Variants in BCAS1 observed in about 807,000 individuals in gnomAD.
BCAS1 encodes the protein breast carcinoma-amplified sequence 1.
BCAS1 carries 46 observed loss-of-function variants against 65.4 expected under a neutral mutation model. That is an observed-to-expected ratio of 0.70 (90% CI 0.55 to 0.90). BCAS1 has a LOEUF of 0.90. Among genes scored for constraint, BCAS1 ranks in the 40% least tolerant of loss-of-function variants. The pLI, the probability that BCAS1 is intolerant of heterozygous loss-of-function variation, is 0.00. For missense variants in BCAS1, 793 were observed against 771.2 expected, an observed-to-expected ratio of 1.03 and a Z score of -0.33; for synonymous variants, 298 against 293.5, an observed-to-expected ratio of 1.02 and a Z score of -0.16.
chr20:53,975,218 C>CA (rs2090297091), intron 9 of BCAS1, among the ~76,000 whole-genome samples, 171 bp downstream of exon 9: 1 of 152,112 alleles, frequency 6.6e-6, no homozygotes, highest in African/African-American at 2.4e-5. Context: ...AAAATTCATC[C>CA]AATGTTATCC....
At chr20:53,963,484 G>GA (rs11484330) in intron 10 of BCAS1, among the ~76,000 whole-genome samples, 3,101 of 141,802 alleles carry the variant, frequency 0.022, 70 homozygotes, top group African/African-American at 0.052. Context: ...GTCTCAAAAA[G>GA]AAAAAAAAAA....
chr20:53,947,293 G>T (rs2089357130), intron 12 of BCAS1, among the ~76,000 whole-genome samples: 1 of 152,156 alleles, frequency 6.6e-6, no homozygotes, highest in Non-Finnish European at 1.5e-5. Flanking sequence ...TGATAAAAGA[G>T]TTATGATTAT....
chr20:54,021,861 G>A (rs184551924), intron 4 of BCAS1, among the ~76,000 whole-genome samples: 13 of 152,114 alleles, frequency 8.5e-5, no homozygotes, highest in South Asian at 8.3e-4. Context: ...ACACGTGCAC[G>A]TCACCCGGGC....
rs1289043421 is a variant in BCAS1, at chr20:53,985,236, T to C, written c.1275+51A>G. On this transcript the variant is annotated intron_variant, in intron 8 of 12. Coordinates refer to ENST00000688948, the MANE Select transcript of BCAS1 (RefSeq NM_001366298.2). ...CAGTTAGCCCAATAGAAATAAGTTCTGGAGTCATCCCCGCCCGGACGACTC... is the reference window on the plus strand; with the variant it reads ...CAGTTAGCCCAATAGAAATAAGTTCCGGAGTCATCCCCGCCCGGACGACTC... The C allele has an allele frequency of 1.9e-6, 3 of 1,544,470 alleles. No homozygotes were observed. The South Asian group carries it at 3.4e-5, about 17-fold the overall frequency.
chr20:53,985,194 T>C, intron 8 of BCAS1, 93 bp downstream of exon 8: 1 of 1,223,128 alleles, frequency 8.2e-7, no homozygotes, highest in South Asian at 1.3e-5. Context: ...ACACCTTCCA[T>C]ACATTGTTGA....
At chr20:53,978,103 T>C (rs1048013972) in intron 8 of BCAS1, among the ~76,000 whole-genome samples, 3 of 139,924 alleles carry the variant, frequency 2.1e-5, no homozygotes, top group Admixed American at 8.0e-5. Context: ...TGTGTTCTCA[T>C]TGTTCAATTC....
At chr20:54,001,321 A>C (rs1020939720) in intron 4 of BCAS1, among the ~76,000 whole-genome samples, 1 of 152,156 alleles carries the variant, frequency 6.6e-6, no homozygotes, top group Non-Finnish European at 1.5e-5. Flanking sequence ...TTATAGTTTA[A>C]CTTTGAAACA....
At chr20:54,016,885 A>T (rs888068489) in intron 4 of BCAS1, among the ~76,000 whole-genome samples, 1 of 152,172 alleles carries the variant, frequency 6.6e-6, no homozygotes, top group African/African-American at 2.4e-5. Flanking sequence ...GGGTTGGACC[A>T]ATTATCCAGT....
intron 11 of BCAS1, among the ~76,000 whole-genome samples, chr20:53,955,170 G>A (rs6091791): frequency 0.021 from 3,184 of 152,250 alleles, 81 homozygotes; most frequent in East Asian, 0.097. Context: ...AATCATGCAC[G>A]CCCCTTAGAA....
chr20:53,958,966 T>C (rs1398558537), intron 10 of BCAS1, among the ~76,000 whole-genome samples: 1 of 152,204 alleles, frequency 6.6e-6, no homozygotes, highest in African/African-American at 2.4e-5. Context: ...CTGTATGAAG[T>C]TGCTGAATGT....
intron 7 of BCAS1, among the ~76,000 whole-genome samples, chr20:53,991,313 T>C (rs1215635994): frequency 1.3e-5 from 2 of 152,216 alleles, no homozygotes; most frequent in Non-Finnish European, 2.9e-5. Flanking sequence ...CCCCATTCTT[T>C]TCTCTTCACA....
chr20:54,059,468 A>G (rs1479576264), intron 1 of BCAS1, among the ~76,000 whole-genome samples: 2 of 149,408 alleles, frequency 1.3e-5, no homozygotes, highest in Non-Finnish European at 3.0e-5. Context: ...TAATTCCCCT[A>G]TTAAAACCTT....
At chr20:54,005,437 A>G (rs1051818706) in intron 4 of BCAS1, among the ~76,000 whole-genome samples, 2 of 152,124 alleles carry the variant, frequency 1.3e-5, no homozygotes, top group Non-Finnish European at 2.9e-5. Context: ...GCAGTGAGCT[A>G]TGATTGTGCC....
intron 4 of BCAS1, among the ~76,000 whole-genome samples, chr20:53,999,187 T>C (rs1402797645): frequency 6.6e-6 from 1 of 152,220 alleles, no homozygotes; most frequent in East Asian, 1.9e-4. Flanking sequence ...ACTACATCCA[T>C]AAATTCCACC....
chr20:53,958,559 T>C (rs534600774), intron 10 of BCAS1, among the ~76,000 whole-genome samples: 2 of 152,216 alleles, frequency 1.3e-5, no homozygotes, highest in Admixed American at 1.3e-4. Context: ...GCCAGAAACA[T>C]TGAAAGCACT....
intron 8 of BCAS1, among the ~76,000 whole-genome samples, chr20:53,982,066 A>T (rs1330148111): frequency 3.9e-5 from 6 of 152,198 alleles, no homozygotes; most frequent in African/African-American, 1.4e-4. Context: ...CAACACTGTG[A>T]GAAAAACACA....
At chr20:53,998,012 G>C (rs557627415) in intron 4 of BCAS1, among the ~76,000 whole-genome samples, 8 of 152,278 alleles carry the variant, frequency 5.3e-5, no homozygotes, top group African/African-American at 1.4e-4. Flanking sequence ...AGAATGAAAG[G>C]AGACACTTCT....
At position 53,957,495 on chromosome 20, in the gene BCAS1, T is replaced by C; in HGVS notation, c.1488A>G (p.Ser496=). 6.2e-7 allele frequency: 1 copy of C among 1,613,932 alleles called. No homozygotes were observed. The highest frequency in any genetic ancestry group is 8.5e-7 in the Non-Finnish European group (1 of 1,179,774). The change falls in exon 11 of 13, where the codon TCA becomes TCG. Residue 496 remains serine (S), a splice_region_variant and synonymous_variant. Transcript: ENST00000688948. The part of the protein sequence containing the change: ...TSLMAFLRQM[S]VKGDGGITHS... ...GGGTGATCCCTCCATCCCCTTTCAC[T>C]GACTAAAATAACAAACAGACAATGG...
rs768086479 is a variant in BCAS1, at chr20:54,030,904, G to A, written c.143-1932C>T. Among the ~76,000 whole-genome samples the A allele has an allele frequency of 2.0e-4, 30 of 151,422 alleles. 2 individuals are homozygous for A. Among genetic ancestry groups the A allele is most frequent in the Non-Finnish European group, 1.0e-4 (7 of 67,674 alleles). ...TATTATACTAAAGAAGAAAAAAAGA[G>A]GGAGAATAAGTAAGTGATAGATGGA... On this transcript the variant is annotated intron_variant, in intron 3 of 12. Transcript: ENST00000688948.
Sources: allele counts gnomAD v4.1 joint callset (sites outside exome capture counted in the v4.1 genomes callset), GRCh38; gene constraint gnomAD v4.1.1; transcripts MANE v1.5; gene names NCBI Gene and HGNC (gene_info 2026-07-23, HGNC 2026-07-21).